ZBTB21: variants seen among roughly 807,000 people sequenced by gnomAD.
ZBTB21 encodes the protein zinc finger and BTB domain-containing protein 21.
A neutral mutation model predicts 39.8 loss-of-function variants in ZBTB21; 10 were observed. That is an observed-to-expected ratio of 0.25 (90% CI 0.16 to 0.43). ZBTB21 has a LOEUF of 0.43. ZBTB21 is among the 20% of genes least tolerant of loss of function. ZBTB21 has a pLI of 1.00. For synonymous variants in ZBTB21, 551 were observed against 498.8 expected, an observed-to-expected ratio of 1.10 and a Z score of -1.40; for missense variants, 1,221 against 1,296.3, an observed-to-expected ratio of 0.94 and a Z score of 0.89.
rs1229991941 is a variant in ZBTB21 at position 41,990,526 on chromosome 21, A to G, written c.*369T>C. The stretch of plus-strand genomic sequence containing the variant: ...AACTAGAACTCAAGTGTCTAAAATA[A>G]TTAAAAGAAGGAATACTTCGACAGT... On this transcript the variant is annotated 3_prime_UTR_variant, in exon 3 of 3. Coordinates refer to ENST00000310826, the MANE Select transcript of ZBTB21 (RefSeq NM_001098402.2). The G allele has an allele frequency of 1.3e-5, 2 of 156,602 alleles. No individual in the cohort carries two copies. The highest frequency in any genetic ancestry group is 1.3e-4 in the Admixed American group (2 of 15,404). The allele number at this position is 156,602 out of a possible 1,614,324, so 9.7% of individuals were successfully genotyped here.
chr21:41,997,194 T>C (rs1039747673), intron 2 of ZBTB21, among the ~76,000 whole-genome samples: 1 of 152,136 alleles, frequency 6.6e-6, no homozygotes, highest in Non-Finnish European at 1.5e-5. Flanking sequence ...AGTGTTGGGA[T>C]TACAGGCATG....
In ZBTB21 at chr21:41,992,774, G is replaced by A. The variant is rs758033755; in HGVS notation, c.1322C>T (p.Ser441Leu). 8.7e-6 allele frequency: 14 copies of A among 1,614,058 alleles called. No homozygotes were observed. The highest frequency in any genetic ancestry group is 3.3e-5 in the South Asian group (3 of 91,080). Residue 441 changes from serine to leucine, a missense_variant, in exon 3 of 3, where the codon TCG becomes TTG. Ser to Leu is a moderately radical substitution (Grantham distance 145). Coordinates refer to ENST00000310826, the MANE Select transcript of ZBTB21 (RefSeq NM_001098402.2). The surrounding 1 kb of genome is among the most constrained non-coding windows in gnomAD (Gnocchi z 4.1). ...TCCCACAGTGACGCGGATGATGTCCGAGGGGTCCGACAGCGGGCTGCTGGG... is the reference window on the plus strand; with the variant it reads ...TCCCACAGTGACGCGGATGATGTCCAAGGGGTCCGACAGCGGGCTGCTGGG... The part of the protein sequence containing the change: ...TEPSSPLSDP[S>L]DIIRVTVGDA...
intron 1 of ZBTB21, among the ~76,000 whole-genome samples, chr21:42,008,819 A>T (rs2065917012): frequency 6.6e-6 from 1 of 152,268 alleles, no homozygotes; most frequent in Non-Finnish European, 1.5e-5. Context: ...TAAGTAAACC[A>T]GCACTTCAAA....
intron 2 of ZBTB21, among the ~76,000 whole-genome samples, chr21:42,002,117 C>T (rs2065824729): frequency 6.6e-6 from 1 of 152,188 alleles, no homozygotes; most frequent in Admixed American, 6.5e-5. Flanking sequence ...ATTGTCCATT[C>T]TCCCCAGTAC....
intron 2 of ZBTB21, among the ~76,000 whole-genome samples, chr21:41,999,369 CTT>C (rs200722302): frequency 0.016 from 2,451 of 152,228 alleles, 36 homozygotes; most frequent in Middle Eastern, 0.041. Flanking sequence ...GCTTGAGAAA[CTT>C]TTGTTTCTAT....
Position 42,007,638 on chromosome 21 carries a change from A to G in ZBTB21, c.-79+2614T>C, listed in dbSNP as rs542613858. On this transcript the variant is annotated intron_variant, in intron 1 of 2. Transcript: ENST00000310826. Reference sequence around the variant, plus strand: ...TACCACAATACTTCATCTCTCTGTAATAACACCACAACTTCTTCAATTAAT... The same window carrying G: ...TACCACAATACTTCATCTCTCTGTAGTAACACCACAACTTCTTCAATTAAT... Among the ~76,000 whole-genome samples the G allele has an allele frequency of 7.9e-5, 12 of 152,340 alleles. No individual in the cohort carries two copies. The South Asian group carries it at 2.3e-3, about 29-fold the overall frequency.
At chr21:42,008,227 T>C (rs2065903772) in intron 1 of ZBTB21, among the ~76,000 whole-genome samples, 1 of 150,984 alleles carries the variant, frequency 6.6e-6, no homozygotes, top group African/African-American at 2.4e-5. Flanking sequence ...TCCCTTCGGC[T>C]GGGCGCAGTG....
chr21:41,998,404 T>C (rs1436871108), intron 2 of ZBTB21, among the ~76,000 whole-genome samples: 1 of 152,090 alleles, frequency 6.6e-6, no homozygotes, highest in Non-Finnish European at 1.5e-5. Context: ...TTAGCCAGAC[T>C]GGTCCCGAAC....
In ZBTB21 at chr21:41,990,842, A is replaced by G; in HGVS notation, c.*53T>C. On this transcript the variant is annotated 3_prime_UTR_variant, in exon 3 of 3. Coordinates refer to ENST00000310826, the MANE Select transcript of ZBTB21 (RefSeq NM_001098402.2). ...TTTTGTTTCTTATGACACATTTCAC[A>G]ATTCAGGTTGAAATCTGGGGACTGC... 1 of 1,387,300 alleles carries G rather than the reference A, an allele frequency of 7.2e-7. No homozygotes were observed. The highest frequency in any genetic ancestry group is 1.9e-4 in the Middle Eastern group (1 of 5,216). 85.9% of individuals were successfully genotyped at this position (1,387,300 alleles called of 1,614,324 possible).
Position 41,992,842 on chromosome 21 carries a change from CCTGT to C in ZBTB21, c.1250_1253del (p.Asp417GlyfsTer7). ...CCTCAGTCACAGGGGAAGCTCCCTC[CCTGT>C]CTGTTGACTGAGAAGCACTAAAGGA... On this transcript the variant is annotated frameshift_variant, in exon 3 of 3. Coordinates refer to ENST00000310826, the MANE Select transcript of ZBTB21 (RefSeq NM_001098402.2). LOFTEE classifies it high-confidence loss of function. This position sits in a 1 kb window ranked among gnomAD's most constrained non-coding sequence, Gnocchi z 4.1. The C allele has an allele frequency of 6.2e-7, 1 of 1,614,188 alleles. No individual in the cohort carries two copies. The highest frequency in any genetic ancestry group is 8.5e-7 in the Non-Finnish European group (1 of 1,180,036).
chr21:42,001,972 C>A (rs2065822796), intron 2 of ZBTB21, among the ~76,000 whole-genome samples: 1 of 152,184 alleles, frequency 6.6e-6, no homozygotes, highest in African/African-American at 2.4e-5. Flanking sequence ...CCAAGGGAAC[C>A]ACAGGTGGCT....
chr21:41,996,424 C>G (rs1432172606), intron 2 of ZBTB21, among the ~76,000 whole-genome samples: 1 of 152,216 alleles, frequency 6.6e-6, no homozygotes, highest in Non-Finnish European at 1.5e-5. Flanking sequence ...CTGCTGAATT[C>G]TGGACTTGCA....
chr21:42,007,347 C>T (rs2065890753), intron 1 of ZBTB21, among the ~76,000 whole-genome samples: 1 of 152,208 alleles, frequency 6.6e-6, no homozygotes, highest in Non-Finnish European at 1.5e-5. Flanking sequence ...GAGTACTGTA[C>T]TGATTTTTCT....
intron 2 of ZBTB21, among the ~76,000 whole-genome samples, chr21:42,001,315 G>C (rs546102112): frequency 2.0e-5 from 3 of 152,316 alleles, no homozygotes; most frequent in African/African-American, 7.2e-5. Flanking sequence ...GGCATTGAGA[G>C]GTCAAGTCAT....
rs1041957226 is a variant in ZBTB21, at chr21:41,992,869, G to A, written c.1227C>T (p.Ser409=). 6.2e-7 allele frequency: 1 copy of A among 1,614,202 alleles called. No individual in the cohort carries two copies. Among genetic ancestry groups the A allele is most frequent in the East Asian group, 2.2e-5 (1 of 44,888 alleles). ...TGTCTGTTGACTGAGAAGCACTAAA[G>A]GACCTGAGGCGATGCGGTTGTAGCA... The part of the protein sequence containing the change: ...PQVLQPHRLR[S]FSASQSTDRE... Residue 409 remains serine, a synonymous_variant, in exon 3 of 3, where the codon TCC becomes TCT. Coordinates refer to ENST00000310826, the MANE Select transcript of ZBTB21 (RefSeq NM_001098402.2). The surrounding 1 kb of genome is among the most constrained non-coding windows in gnomAD (Gnocchi z 4.1).
chr21:41,997,575 CAAAAAA>C lies in ZBTB21; in HGVS notation c.-13-3473_-13-3468del, dbSNP rs10709533. ...TGGTTGACAGAGCAAGACGTTGTCT[CAAAAAA>C]AAAAAAAACAAAAAAACAAAAAAAC... On this transcript the variant is annotated intron_variant, in intron 2 of 2. Transcript: ENST00000310826. 3.2e-3 allele frequency among the ~76,000 whole-genome samples: 376 copies of C among 117,860 alleles called. 5 individuals are homozygous for C. Among genetic ancestry groups the C allele is most frequent in the African/African-American group, 0.01 (360 of 34,696 alleles). 77.3% of individuals were successfully genotyped at this position (117,860 alleles called of 152,430 possible).
Position 41,990,826 on chromosome 21 carries a change from T to C in ZBTB21, c.*69A>G, listed in dbSNP as rs1260895236. Reference sequence around the variant, plus strand: ...TCTTGTTTAAAAAATATTTTGTTTCTTATGACACATTTCACAATTCAGGTT... The same window carrying C: ...TCTTGTTTAAAAAATATTTTGTTTCCTATGACACATTTCACAATTCAGGTT... On this transcript the variant is annotated 3_prime_UTR_variant, in exon 3 of 3. Coordinates refer to ENST00000310826, the MANE Select transcript of ZBTB21 (RefSeq NM_001098402.2). The C allele has an allele frequency of 2.9e-6, 4 of 1,365,116 alleles. No homozygotes were observed. Among genetic ancestry groups the C allele is most frequent in the Non-Finnish European group, 3.8e-6 (4 of 1,039,884 alleles). 84.6% of individuals were successfully genotyped at this position (1,365,116 alleles called of 1,614,324 possible).
intron 1 of ZBTB21, chr21:42,009,737 C>G (rs1015080841): frequency 1.3e-5 from 2 of 152,400 alleles, no homozygotes; most frequent in Admixed American, 6.5e-5. Flanking sequence ...GGTCCCGGAC[C>G]GTGAAGGGAG....
rs2065600817 is a variant in ZBTB21, at chr21:41,988,006, C to T, written c.*2889G>A. The T allele has an allele frequency of 6.6e-6, 1 of 152,202 alleles. No homozygotes were observed. Among genetic ancestry groups the T allele is most frequent in the South Asian group, 2.1e-4 (1 of 4,830 alleles). 9.4% of individuals were successfully genotyped at this position (152,202 alleles called of 1,614,324 possible). A position where few individuals can be genotyped will look rare whatever the true frequency, so the allele number is the denominator to read the frequency against. Reference sequence around the variant, plus strand: ...CCAGAAAACCAAGAACATCACACATCTCCCCACAAATGCAAAGAACATCAC... The same window carrying T: ...CCAGAAAACCAAGAACATCACACATTTCCCCACAAATGCAAAGAACATCAC... On this transcript the variant is annotated 3_prime_UTR_variant, in exon 3 of 3. Coordinates refer to ENST00000310826, the MANE Select transcript of ZBTB21 (RefSeq NM_001098402.2).
Sources: gnomAD v4.1 joint callset for allele counts (sites outside exome capture counted in the v4.1 genomes callset) on GRCh38, gnomAD v4.1.1 for gene constraint, Gnocchi (gnomAD v3.1) non-coding constraint, MANE v1.5 for transcripts, NCBI Gene and HGNC (gene_info 2026-07-23, HGNC 2026-07-21) for gene names.